The following MCPH1 variants were observed in gnomAD, a reference collection of about 807,000 sequenced individuals.
The protein encoded by MCPH1 is microcephalin.
Under a neutral mutation model 84.5 loss-of-function variants are expected in MCPH1, and 104 were observed. That is an observed-to-expected ratio of 1.23 (90% CI 1.05 to 1.45). The LOEUF is 1.45. MCPH1 is among the 40% of genes most tolerant of loss of function. The pLI is 0.00. For synonymous variants in MCPH1, 514 were observed against 366.8 expected (o/e 1.40, Z -4.58); for missense variants, 1,498 against 1,005.7 (o/e 1.49, Z -6.62).
chr8:6,469,933 G>C (rs965483347), intron 9 of MCPH1, among the ~76,000 whole-genome samples: 1 of 152,056 alleles, frequency 6.6e-6, no homozygotes, highest in Non-Finnish European at 1.5e-5. Context: ...CTCACTGGTC[G>C]TTGGATTCTT....
chr8:6,408,208 A>C (rs2129550563), intron 1 of MCPH1, among the ~76,000 whole-genome samples: 1 of 152,294 alleles, frequency 6.6e-6, no homozygotes, highest in East Asian at 1.9e-4. Flanking sequence ...AATTCCACTG[A>C]AGCTATTTTG....
intron 12 of MCPH1, among the ~76,000 whole-genome samples, chr8:6,608,200 C>A (rs1284651196): frequency 6.6e-6 from 1 of 152,198 alleles, no homozygotes; most frequent in Non-Finnish European, 1.5e-5. Context: ...CCCTGATGAG[C>A]TGAGCACAGT....
intron 5 of MCPH1, among the ~76,000 whole-genome samples, chr8:6,437,731 G>T (rs932773171): frequency 1.3e-5 from 2 of 152,088 alleles, no homozygotes; most frequent in African/African-American, 4.8e-5. Context: ...CCAGAAACGT[G>T]CAATCGTCCT....
intron 12 of MCPH1, among the ~76,000 whole-genome samples, chr8:6,575,408 T>C (rs1720773649): frequency 6.6e-6 from 1 of 152,210 alleles, no homozygotes; most frequent in Admixed American, 6.5e-5. Context: ...TCATGGCATG[T>C]TGTCCTGTTC....
intron 8 of MCPH1, among the ~76,000 whole-genome samples, chr8:6,453,788 C>G (rs999134932): frequency 6.6e-6 from 1 of 152,128 alleles, no homozygotes; most frequent in Non-Finnish European, 1.5e-5. Context: ...GGAGAAAAGT[C>G]AGTGCAAGTC....
intron 12 of MCPH1, among the ~76,000 whole-genome samples, chr8:6,586,042 C>A (rs1445641053): frequency 3.9e-5 from 6 of 152,194 alleles, no homozygotes; most frequent in Admixed American, 3.9e-4. Context: ...CTCACTGCAG[C>A]CTTGACCTCC....
chr8:6,448,163 TAAAAA>T (rs1804663867), intron 8 of MCPH1, among the ~76,000 whole-genome samples: 1 of 152,098 alleles, frequency 6.6e-6, no homozygotes, highest in Non-Finnish European at 1.5e-5. Flanking sequence ...CAGTTAATGA[TAAAAA>T]GAAAAACAAT....
rs1187253143 is a variant in MCPH1, at chr8:6,436,161, A to G, written c.435A>G (p.Leu145=). The change falls in exon 5 of 14, where the codon CTA becomes CTG. Residue 145 remains leucine, a splice_region_variant and synonymous_variant. Coordinates refer to ENST00000344683, the MANE Select transcript of MCPH1 (RefSeq NM_024596.5). ...AKELQRQKTN[L]DDDVPILLFE... ...AGCTACAAAGGCAAAAAACAAATCT[A>G]GGTAAGCTAAGAAATATAATACAGT... The G allele has an allele frequency of 5.0e-6, 8 of 1,612,636 alleles. No individual in the cohort carries two copies. Among genetic ancestry groups the G allele is most frequent in the African/African-American group, 1.3e-5 (1 of 74,930 alleles).
At chr8:6,534,152 C>T (rs948968495) in intron 12 of MCPH1, among the ~76,000 whole-genome samples, 1 of 151,996 alleles carries the variant, frequency 6.6e-6, no homozygotes, top group Admixed American at 6.6e-5. Context: ...CACAGTCAGC[C>T]CTCCATCTGT....
intron 9 of MCPH1, among the ~76,000 whole-genome samples, chr8:6,458,437 A>AT (rs1194388770): frequency 6.7e-6 from 1 of 150,200 alleles, no homozygotes; most frequent in Non-Finnish European, 1.5e-5. Context: ...GTGCCACTGC[A>AT]TTCCAGCCTG....
chr8:6,496,240 T>G (rs1439440722), intron 11 of MCPH1, among the ~76,000 whole-genome samples: 1 of 152,156 alleles, frequency 6.6e-6, no homozygotes, highest in African/African-American at 2.4e-5. Flanking sequence ...GCATGCAACC[T>G]AGATCCCTCA....
intron 12 of MCPH1, chr8:6,562,876 T>C: frequency 6.2e-7 from 1 of 1,611,184 alleles, no homozygotes; most frequent in Non-Finnish European, 8.5e-7. Context: ...CCGAAAGTTG[T>C]TATAGGCTGC....
chr8:6,432,161 G>C (rs967658807), intron 4 of MCPH1, among the ~76,000 whole-genome samples: 1 of 152,164 alleles, frequency 6.6e-6, no homozygotes, highest in Non-Finnish European at 1.5e-5. Context: ...GTAGAGACAG[G>C]GTCTTTCTAT....
rs73509275 is a variant in MCPH1 at position 6,589,927 on chromosome 8, G to A, written c.2215-31527G>A. Reference sequence around the variant, plus strand: ...GAAAATAATTCAATAGAGAAGTCTCGATTCATAAAAGACTAGTTTTACTCT... The same window carrying A: ...GAAAATAATTCAATAGAGAAGTCTCAATTCATAAAAGACTAGTTTTACTCT... On this transcript the variant is annotated intron_variant, in intron 12 of 13. Transcript: ENST00000344683. Among the ~76,000 whole-genome samples, 234 of 152,234 alleles carry A rather than the reference G, an allele frequency of 1.5e-3. 1 individual carries two copies. Among genetic ancestry groups the A allele is most frequent in the African/African-American group, 5.4e-3 (225 of 41,518 alleles).
At position 6,585,426 on chromosome 8, in the gene MCPH1, G is replaced by C. The variant is rs558670789; in HGVS notation, c.2215-36028G>C. 5.9e-5 allele frequency among the ~76,000 whole-genome samples: 9 copies of C among 152,346 alleles called. No homozygotes were observed. The East Asian group carries it at 1.2e-3, about 20-fold the overall frequency. On this transcript the variant is annotated intron_variant, in intron 12 of 13. Transcript: ENST00000344683. ...GCCTGGTGCCCTCACAGCTGTCTGG[G>C]AGCCCCTTCCCGGGAACGCCGGCTT...
intron 13 of MCPH1, chr8:6,626,469 GTTTTGTTT>G: frequency 1.2e-6 from 1 of 827,102 alleles, no homozygotes. Context: ...TGGTTTTTTT[GTTTTGTTT>G]TTTTTTTTTT....
intron 12 of MCPH1, chr8:6,532,239 G>C (rs564482848): frequency 2.9e-4 from 423 of 1,451,242 alleles, no homozygotes; most frequent in Admixed American, 8.7e-4. Context: ...GCTTTCTTTA[G>C]TTTCTCATGC....
intron 12 of MCPH1, among the ~76,000 whole-genome samples, chr8:6,615,047 G>A (rs912881719): frequency 6.6e-6 from 1 of 152,216 alleles, no homozygotes; most frequent in Non-Finnish European, 1.5e-5. Flanking sequence ...CACTGCGTAA[G>A]CACGAACGGT....
At chr8:6,632,535 C>T (rs985378095) in intron 13 of MCPH1, among the ~76,000 whole-genome samples, 1 of 152,146 alleles carries the variant, frequency 6.6e-6, no homozygotes, top group Admixed American at 6.6e-5. Flanking sequence ...TGAGGCTGAG[C>T]GCAGTGACTC....
Sources: gnomAD v4.1 joint callset for allele counts (sites outside exome capture counted in the v4.1 genomes callset) on GRCh38, gnomAD v4.1.1 for gene constraint, MANE v1.5 for transcripts, NCBI Gene and HGNC (gene_info 2026-07-23, HGNC 2026-07-21) for gene names.